CATSPERE: variants seen among roughly 807,000 people sequenced by gnomAD.
CATSPERE encodes the protein cation channel sperm-associated auxiliary subunit epsilon.
A neutral mutation model predicts 114.1 loss-of-function variants in CATSPERE; 93 were observed. The ratio of observed to expected loss-of-function variants is 0.81; its 90% CI spans 0.69 to 0.97. The LOEUF is 0.97. Ranked by LOEUF, CATSPERE falls within the 50% of genes least tolerant of loss-of-function variation. CATSPERE has a pLI of 0.00. For synonymous variants in CATSPERE, 341 were observed against 384.1 expected, an observed-to-expected ratio of 0.89 and a Z score of 1.31; for missense variants, 1,058 against 1,131.6, an observed-to-expected ratio of 0.93 and a Z score of 0.93.
At chr1:244,584,937 A>C (rs1666820341) in intron 13 of CATSPERE, among the ~76,000 whole-genome samples, 1 of 152,192 alleles carries the variant, frequency 6.6e-6, no homozygotes, top group South Asian at 2.1e-4. Flanking sequence ...GTAGGAAATA[A>C]GAAACCACAA....
intron 10 of CATSPERE, among the ~76,000 whole-genome samples, chr1:244,563,813 T>C (rs1379862119): frequency 2.4e-4 from 36 of 152,240 alleles, no homozygotes; most frequent in Non-Finnish European, 1.5e-5. Context: ...TTTGGTGTTT[T>C]AGTCATGAAT....
In CATSPERE at chr1:244,477,746, A is replaced by G. The variant is rs186131864; in HGVS notation, c.188+132A>G. 143 of 936,344 alleles carry G rather than the reference A, an allele frequency of 1.5e-4. No homozygotes were observed. In the African/African-American group the frequency reaches 2.1e-3, roughly 14 times the overall value. 58.0% of individuals were successfully genotyped at this position (936,344 alleles called of 1,614,324 possible). A position where few individuals can be genotyped will look rare whatever the true frequency, so the allele number is the denominator to read the frequency against. The stretch of plus-strand genomic sequence containing the variant: ...TTAAGTAGATGTGAAAAGCAAGACA[A>G]AATCAGGTCGAATATAGTATAGAAG... On this transcript the variant is annotated intron_variant, in intron 3 of 21. Transcript: ENST00000366534.
chr1:244,505,995 G>A (rs1041128947), intron 7 of CATSPERE, among the ~76,000 whole-genome samples: 1 of 152,028 alleles, frequency 6.6e-6, no homozygotes, highest in Non-Finnish European at 1.5e-5. Flanking sequence ...GACAGAGCGA[G>A]ACCCCATCTC....
At chr1:244,613,622 A>C (rs1318064280) in intron 19 of CATSPERE, among the ~76,000 whole-genome samples, 1 of 152,190 alleles carries the variant, frequency 6.6e-6, no homozygotes, top group African/African-American at 2.4e-5. Flanking sequence ...TACAATAACT[A>C]GTCCTGATCT....
chr1:244,509,421 T>C (rs761713442), intron 7 of CATSPERE, among the ~76,000 whole-genome samples: 10 of 152,224 alleles, frequency 6.6e-5, no homozygotes, highest in Non-Finnish European at 8.8e-5. Context: ...ATCCCTGGGA[T>C]GAATCTCACC....
At chr1:244,517,625 T>C (rs1676852934) in intron 7 of CATSPERE, among the ~76,000 whole-genome samples, 1 of 151,438 alleles carries the variant, frequency 6.6e-6, no homozygotes, top group African/African-American at 2.4e-5. Flanking sequence ...TAAAAAAAAT[T>C]AGTGGGGCAT....
intron 8 of CATSPERE, among the ~76,000 whole-genome samples, chr1:244,521,602 A>C (rs1677582631): frequency 6.6e-6 from 1 of 152,194 alleles, no homozygotes; most frequent in Admixed American, 6.5e-5. Flanking sequence ...AATTTTTTTA[A>C]CCTCATATTG....
chr1:244,479,815 T>A (rs754079378), intron 5 of CATSPERE, 31 bp downstream of exon 5: 2 of 1,256,118 alleles, frequency 1.6e-6, no homozygotes, highest in African/African-American at 1.5e-5. Context: ...TAGGTAATTA[T>A]GCTTTTAAAG....
chr1:244,459,900 T>C (rs558833538), upstream of CATSPERE, among the ~76,000 whole-genome samples: 113 of 152,280 alleles, frequency 7.4e-4, no homozygotes, highest in African/African-American at 2.7e-3. Context: ...ATTCCACTCT[T>C]CTCACCTTGG....
intron 19 of CATSPERE, 47 bp from the exon 20 acceptor site, chr1:244,617,482 A>T: frequency 7.1e-7 from 1 of 1,399,176 alleles, no homozygotes; most frequent in Non-Finnish European, 9.4e-7. Flanking sequence ...TTTGCGTATC[A>T]AAGTCATAAA....
intron 6 of CATSPERE, among the ~76,000 whole-genome samples, chr1:244,494,897 A>C (rs1274315073): frequency 6.6e-6 from 1 of 152,198 alleles, no homozygotes; most frequent in African/African-American, 2.4e-5. Context: ...TTACGGAATT[A>C]TTTTTTGAGG....
chr1:244,616,840 C>T (rs1011228627), intron 19 of CATSPERE, among the ~76,000 whole-genome samples: 1 of 152,148 alleles, frequency 6.6e-6, no homozygotes, highest in Non-Finnish European at 1.5e-5. Flanking sequence ...AAGTAATTGC[C>T]TTACAAGGCT....
At chr1:244,567,311 A>ATGAT (rs1206621773) in intron 10 of CATSPERE, among the ~76,000 whole-genome samples, 1 of 151,956 alleles carries the variant, frequency 6.6e-6, no homozygotes, top group Non-Finnish European at 1.5e-5. Context: ...GGTGAATCTG[A>ATGAT]TGATTGTTTG....
At chr1:244,537,699 A>G (rs1016528372) in intron 8 of CATSPERE, among the ~76,000 whole-genome samples, 5 of 152,154 alleles carry the variant, frequency 3.3e-5, no homozygotes, top group Admixed American at 1.3e-4. Flanking sequence ...TTTTAATTAC[A>G]TTGTGGTTTG....
intron 10 of CATSPERE, among the ~76,000 whole-genome samples, chr1:244,565,600 CT>C (rs1429908046): frequency 2.0e-5 from 3 of 152,024 alleles, no homozygotes; most frequent in African/African-American, 4.8e-5. Flanking sequence ...TCCCCTTTAT[CT>C]TTTTTTATTG....
At chr1:244,589,476 A>G (rs978577998) in intron 14 of CATSPERE, among the ~76,000 whole-genome samples, 25 of 152,206 alleles carry the variant, frequency 1.6e-4, no homozygotes. Context: ...GTTGATTTAT[A>G]TAGCCGGTAT....
intron 7 of CATSPERE, among the ~76,000 whole-genome samples, chr1:244,517,248 TTAAC>T: frequency 6.7e-6 from 1 of 149,902 alleles, no homozygotes; most frequent in South Asian, 2.1e-4. Flanking sequence ...TATGATTATA[TTAAC>T]TTTTTCTTGA....
intron 5 of CATSPERE, among the ~76,000 whole-genome samples, chr1:244,486,378 C>T (rs534407079): frequency 4.0e-5 from 6 of 150,126 alleles, no homozygotes; most frequent in Non-Finnish European, 5.9e-5. Flanking sequence ...GTGGGGTACT[C>T]GTGGGCCAGG....
chr1:244,491,961 CA>C (rs1553327560), intron 6 of CATSPERE, among the ~76,000 whole-genome samples: 1 of 152,076 alleles, frequency 6.6e-6, no homozygotes, highest in Non-Finnish European at 1.5e-5. Flanking sequence ...AATAGTTTAC[CA>C]ACCAAAAAAA....
Sources: gnomAD v4.1 joint callset for allele counts (sites outside exome capture counted in the v4.1 genomes callset) on GRCh38, gnomAD v4.1.1 for gene constraint, MANE v1.5 for transcripts, NCBI Gene and HGNC (gene_info 2026-07-23, HGNC 2026-07-21) for gene names.